Variants in MATCAP2 observed in about 807,000 individuals in gnomAD.
MATCAP2 encodes microtubule associated tyrosine carboxypeptidase 2.
chr7:36,335,060 A>G, the MATCAP2 span: 1 of 1,613,198 alleles, frequency 6.2e-7, no homozygotes, highest in Middle Eastern at 1.6e-4. Flanking sequence ...TTCATGCCTC[A>G]GCATTCCCTC....
At chr7:36,354,270 C>T in the MATCAP2 span, among the ~76,000 whole-genome samples, 2 of 152,252 alleles carry the variant, frequency 1.3e-5, no homozygotes, top group East Asian at 3.9e-4. Context: ...ACTGCCTAGA[C>T]CAAAAAACCT....
the MATCAP2 span, chr7:36,367,288 C>G: frequency 8.5e-5 from 88 of 1,035,784 alleles, 1 homozygote; most frequent in African/African-American, 1.4e-3. Context: ...CTGCGCGCCG[C>G]TGGGGGCGCT....
At chr7:36,354,884 G>GC in the MATCAP2 span, among the ~76,000 whole-genome samples, 1 of 152,162 alleles carries the variant, frequency 6.6e-6, no homozygotes, top group Non-Finnish European at 1.5e-5. Context: ...AAAGCCACAG[G>GC]CTAAGCAATG....
chr7:36,336,092 A>T, the MATCAP2 span: 1 of 1,212,258 alleles, frequency 8.2e-7, no homozygotes, highest in Non-Finnish European at 1.1e-6. Context: ...TAAATAAAAT[A>T]AAATAAAATA....
the MATCAP2 span, among the ~76,000 whole-genome samples, chr7:36,328,240 A>AGC: frequency 4.3e-5 from 3 of 70,266 alleles, no homozygotes; most frequent in Non-Finnish European, 5.9e-5. Context: ...TTGTTTTTGT[A>AGC]GGGGGGGGGG....
chr7:36,342,863 C>A, the MATCAP2 span, among the ~76,000 whole-genome samples: 1 of 152,152 alleles, frequency 6.6e-6, no homozygotes, highest in Non-Finnish European at 1.5e-5. Context: ...TGAGCTCAGG[C>A]AATCCGCCTG....
chr7:36,372,961 C>T, the MATCAP2 span, among the ~76,000 whole-genome samples: 1 of 151,920 alleles, frequency 6.6e-6, no homozygotes. Flanking sequence ...AAAAATTAGC[C>T]AGGTGTGGTG....
the MATCAP2 span, among the ~76,000 whole-genome samples, chr7:36,360,763 C>T: frequency 2.6e-5 from 4 of 152,052 alleles, no homozygotes; most frequent in Admixed American, 6.6e-5. Flanking sequence ...ACTAAGAGGC[C>T]GATAACATTT....
At chr7:36,374,887 C>T in the MATCAP2 span, among the ~76,000 whole-genome samples, 1 of 152,328 alleles carries the variant, frequency 6.6e-6, no homozygotes, top group African/African-American at 2.4e-5. Flanking sequence ...TTTATGGCTG[C>T]ATAGTATTCC....
chr7:36,351,016 CTATA>C, the MATCAP2 span, among the ~76,000 whole-genome samples: 1 of 152,176 alleles, frequency 6.6e-6, no homozygotes, highest in Non-Finnish European at 1.5e-5. Flanking sequence ...TATACCATGA[CTATA>C]TAGTTTACTA....
At chr7:36,367,276 G>C in the MATCAP2 span, 1 of 1,044,812 alleles carries the variant, frequency 9.6e-7, no homozygotes, top group African/African-American at 1.7e-5. Flanking sequence ...GCTTCACGGA[G>C]CCTGCGCGCC....
At chr7:36,352,172 G>C in the MATCAP2 span, among the ~76,000 whole-genome samples, 1 of 151,760 alleles carries the variant, frequency 6.6e-6, no homozygotes, top group Non-Finnish European at 1.5e-5. Context: ...GAGGTGGGTG[G>C]ATTACCTGAG....
At chr7:36,351,107 T>C in the MATCAP2 span, among the ~76,000 whole-genome samples, 2 of 152,202 alleles carry the variant, frequency 1.3e-5, no homozygotes, top group Admixed American at 6.5e-5. Flanking sequence ...TTTCAAAATT[T>C]GAACTCTGGC....
chr7:36,327,806 T>C, the MATCAP2 span, among the ~76,000 whole-genome samples: 1 of 152,072 alleles, frequency 6.6e-6, no homozygotes, highest in East Asian at 1.9e-4. Flanking sequence ...TACTCCAAAA[T>C]TCAAAAAAAT....
chr7:36,390,351 C>A, the MATCAP2 span: 1 of 437,336 alleles, frequency 2.3e-6, no homozygotes, highest in Non-Finnish European at 4.2e-6. Context: ...CCTGGCGCAG[C>A]AAGAGTGAGG....
At chr7:36,379,841 C>CAG in the MATCAP2 span, among the ~76,000 whole-genome samples, 319 of 127,532 alleles carry the variant, frequency 2.5e-3, 1 homozygote, top group African/African-American at 7.8e-3. Flanking sequence ...CACACACACA[C>CAG]ACACACAGAG....
chr7:36,341,536 G>A, the MATCAP2 span, among the ~76,000 whole-genome samples: 2 of 152,180 alleles, frequency 1.3e-5, no homozygotes, highest in Non-Finnish European at 2.9e-5. Flanking sequence ...GGTATTAGGA[G>A]GTAGGGCCTT....
chr7:36,383,203 T>C, the MATCAP2 span, among the ~76,000 whole-genome samples: 10 of 152,178 alleles, frequency 6.6e-5, no homozygotes, highest in South Asian at 1.7e-3. Context: ...ACAAGTAAAA[T>C]AGCCCTTTTC....
the MATCAP2 span, among the ~76,000 whole-genome samples, chr7:36,359,114 C>T: frequency 3.9e-5 from 6 of 152,272 alleles, no homozygotes; most frequent in South Asian, 1.2e-3. Context: ...GTTCTGGGAC[C>T]ATTCAAATAT....
Sources: allele counts gnomAD v4.1 joint callset (sites outside exome capture counted in the v4.1 genomes callset), GRCh38; gene constraint gnomAD v4.1.1; transcripts MANE v1.5; gene names NCBI Gene and HGNC (gene_info 2026-07-23, HGNC 2026-07-21).